Variants in TMCO1 observed in about 807,000 individuals in gnomAD.
TMCO1 encodes the protein calcium load-activated calcium channel.
In TMCO1, 29 loss-of-function variants were observed where a neutral mutation model predicts 29.3. That is an observed-to-expected ratio of 0.99 (90% CI 0.74 to 1.35). The LOEUF (loss-of-function observed/expected upper bound fraction) is 1.35. Ranked by LOEUF, TMCO1 falls within the 40% of genes most tolerant of loss-of-function variation. The probability of loss-of-function intolerance (pLI) is 0.00; values close to 1 mark genes in which losing one functional copy is unlikely to be tolerated. For missense variants in TMCO1, 173 were observed against 225.5 expected (o/e 0.77, Z 1.49); for synonymous variants, 80 against 77.1 (o/e 1.04, Z -0.20).
At chr1:165,732,605 G>A (rs777873710) in intron 6 of TMCO1, among the ~76,000 whole-genome samples, 56 of 151,718 alleles carry the variant, frequency 3.7e-4, no homozygotes, top group Admixed American at 7.2e-4. Context: ...ATAAACTATG[G>A]ATTTGGGGGT....
At chr1:165,749,633 G>A (rs749123722) in intron 5 of TMCO1, among the ~76,000 whole-genome samples, 37 of 152,060 alleles carry the variant, frequency 2.4e-4, no homozygotes, top group African/African-American at 8.2e-4. Context: ...ACTGCACTCC[G>A]GCCTGGGTAA....
intron 2 of TMCO1, among the ~76,000 whole-genome samples, chr1:165,760,806 TA>T (rs960441522): frequency 6.0e-5 from 9 of 151,164 alleles, no homozygotes; most frequent in Admixed American, 3.3e-4. Context: ...TCTCAAAAAA[TA>T]AAAAAAAGAA....
chr1:165,725,294 G>T (rs759443641), downstream of TMCO1: 1 of 453,950 alleles, frequency 2.2e-6, no homozygotes, highest in Admixed American at 2.4e-5. Context: ...GGATCTAGAA[G>T]CTCTATCAAT....
downstream of TMCO1, chr1:165,726,250 C>G (rs1034994405): frequency 7.2e-6 from 5 of 699,036 alleles, no homozygotes; most frequent in Non-Finnish European, 1.0e-5. Flanking sequence ...TATCAGACAT[C>G]CTTCTGATAA....
chr1:165,761,036 A>C (rs1241629919), intron 2 of TMCO1, among the ~76,000 whole-genome samples: 1 of 152,196 alleles, frequency 6.6e-6, no homozygotes, highest in Non-Finnish European at 1.5e-5. Context: ...CCCTTAGTAC[A>C]TGAAGTTTGT....
chr1:165,749,171 C>A, intron 5 of TMCO1, among the ~76,000 whole-genome samples: 1 of 152,136 alleles, frequency 6.6e-6, no homozygotes, highest in Non-Finnish European at 1.5e-5. Context: ...TTGTGTGGAT[C>A]TAAGTTTTCA....
intron 6 of TMCO1, among the ~76,000 whole-genome samples, chr1:165,741,229 C>T (rs965667642): frequency 2.0e-5 from 3 of 152,210 alleles, no homozygotes; most frequent in African/African-American, 7.2e-5. Flanking sequence ...AAATCAATAA[C>T]TAAGTTCAGC....
At chr1:165,730,888 C>T (rs1049857584) in intron 6 of TMCO1, among the ~76,000 whole-genome samples, 1 of 150,972 alleles carries the variant, frequency 6.6e-6, no homozygotes, top group Non-Finnish European at 1.5e-5. Context: ...CCACTATGCC[C>T]GGCCTACTTT....
At position 165,759,285 on chromosome 1, in the gene TMCO1, G is replaced by A. The variant is rs550660969; in HGVS notation, c.208+240C>T. 2.6e-4 allele frequency among the ~76,000 whole-genome samples: 40 copies of A among 152,232 alleles called. 1 individual carries two copies. In the South Asian group the frequency reaches 7.7e-3, roughly 29 times the overall value. Reference sequence around the variant, plus strand: ...TCAGCCAAGTTCAAAAGCCACAACTGTCATTTTACAAAACTCAAATTCCAA... The same window carrying A: ...TCAGCCAAGTTCAAAAGCCACAACTATCATTTTACAAAACTCAAATTCCAA... On this transcript the variant is annotated intron_variant, in intron 3 of 6. Coordinates refer to ENST00000367881, the MANE Select transcript of TMCO1 (RefSeq NM_019026.6).
chr1:165,756,926 CTATA>C (rs1166071536), intron 3 of TMCO1, among the ~76,000 whole-genome samples: 1 of 151,834 alleles, frequency 6.6e-6, no homozygotes, highest in Non-Finnish European at 1.5e-5. Flanking sequence ...AATAATGAAA[CTATA>C]TAGGATCAGT....
chr1:165,725,016 CTCTCTCTCTATATATATA>C (rs1482641992), downstream of TMCO1: 205 of 161,878 alleles, frequency 1.3e-3, 1 homozygote, highest in African/African-American at 0.012. Context: ...CTCTCTCTCT[CTCTCTCTCTATATATATA>C]TATATATATA....
chr1:165,756,635 G>A (rs935480978), intron 3 of TMCO1, among the ~76,000 whole-genome samples: 10 of 151,980 alleles, frequency 6.6e-5, no homozygotes, highest in Non-Finnish European at 1.2e-4. Flanking sequence ...AGCAAAGGAC[G>A]CTTCCACTGC....
intron 3 of TMCO1, among the ~76,000 whole-genome samples, chr1:165,757,516 G>A (rs1322636255): frequency 1.3e-5 from 2 of 151,816 alleles, no homozygotes; most frequent in Middle Eastern, 3.4e-3. Flanking sequence ...CCTTTTTTGC[G>A]ACAAAGTTTT....
chr1:165,725,821 T>A (rs1650864298), downstream of TMCO1: 1 of 471,164 alleles, frequency 2.1e-6, no homozygotes, highest in East Asian at 6.3e-5. Flanking sequence ...ATATCTTTGT[T>A]ATTGTGCTTT....
downstream of TMCO1, chr1:165,725,667 G>A (rs182475960): frequency 4.6e-4 from 210 of 454,072 alleles, 1 homozygote; most frequent in African/African-American, 3.7e-3. Flanking sequence ...ATCTGGTGAT[G>A]CTGTGGACCT....
In TMCO1 at chr1:165,768,836, G is replaced by T; in HGVS notation, c.-85C>A. On this transcript the variant is annotated 5_prime_UTR_variant, in exon 1 of 7. Coordinates refer to ENST00000367881, the MANE Select transcript of TMCO1 (RefSeq NM_019026.6). ...AAGTGAAGCGAAAACGGCTTCCGTA[G>T]ACTCCGCCACCACCGAGTAACAGAC... 6.3e-7 allele frequency: 1 copy of T among 1,594,368 alleles called. No individual in the cohort carries two copies. The highest frequency in any genetic ancestry group is 8.5e-7 in the Non-Finnish European group (1 of 1,169,666).
chr1:165,747,901 G>A (rs966619047), intron 5 of TMCO1, among the ~76,000 whole-genome samples: 6 of 152,200 alleles, frequency 3.9e-5, no homozygotes, highest in African/African-American at 1.4e-4. Flanking sequence ...GCTCACACCT[G>A]TAATACCAGC....
chr1:165,764,815 T>C (rs1462510062), intron 2 of TMCO1, among the ~76,000 whole-genome samples: 1 of 152,114 alleles, frequency 6.6e-6, no homozygotes, highest in Admixed American at 6.6e-5. Context: ...TTTTAAAAAA[T>C]TACCCTAGAT....
Position 165,727,192 on chromosome 1 carries a change from C to T in TMCO1, c.*831G>A, listed in dbSNP as rs1266654522. On this transcript the variant is annotated 3_prime_UTR_variant, in exon 7 of 7. Coordinates refer to ENST00000367881, the MANE Select transcript of TMCO1 (RefSeq NM_019026.6). ...TAACAACATATAACTATAACCTTGT[C>T]TCCAAGGGAGATCTAAGAGTGCCCC... is the stretch of plus-strand genomic sequence containing the variant. 4 of 454,056 alleles carry T rather than the reference C, an allele frequency of 8.8e-6. No individual in the cohort carries two copies. In the East Asian group the frequency reaches 2.1e-4, roughly 24 times the overall value. 28.1% of individuals were successfully genotyped at this position (454,056 alleles called of 1,614,324 possible).
Sources: gnomAD v4.1 joint callset for allele counts (sites outside exome capture counted in the v4.1 genomes callset) on GRCh38, gnomAD v4.1.1 for gene constraint, MANE v1.5 for transcripts, NCBI Gene and HGNC (gene_info 2026-07-23, HGNC 2026-07-21) for gene names.